Variants in CACNA1B observed in about 807,000 individuals in gnomAD.
CACNA1B encodes the protein calcium voltage-gated channel subunit alpha1 B.
In CACNA1B, 70 loss-of-function variants were observed where a neutral mutation model predicts 247.2. That is an observed-to-expected ratio of 0.28 (90% CI 0.23 to 0.35). The LOEUF (loss-of-function observed/expected upper bound fraction) is 0.35, where lower values mean the gene tolerates loss of function less well. Ranked by LOEUF, CACNA1B falls within the 10% of genes least tolerant of loss-of-function variation. The pLI, the probability that CACNA1B is intolerant of heterozygous loss-of-function variation, is 1.00. For missense variants in CACNA1B, 2,367 were observed against 3,197.4 expected (o/e 0.74, Z 6.26); for synonymous variants, 1,231 against 1,294.4 (o/e 0.95, Z 1.05).
rs1958422805 is a variant in CACNA1B at position 137,990,778 on chromosome 9, C to T, written c.1974+3924C>T. 6.6e-6 allele frequency among the ~76,000 whole-genome samples: 1 copy of T among 152,244 alleles called. No individual in the cohort carries two copies. Among genetic ancestry groups the T allele is most frequent in the Non-Finnish European group, 1.5e-5 (1 of 68,046 alleles). ...CCTGAAGATGGATCACATCACAGGA[C>T]TCTTGACAGACACTCCCCAGTACCA... On this transcript the variant is annotated intron_variant, in intron 15 of 46. Coordinates refer to ENST00000371372, the MANE Select transcript of CACNA1B (RefSeq NM_000718.4). The surrounding 1 kb of genome is among the most constrained non-coding windows in gnomAD (Gnocchi z 4.5).
chr9:137,946,563 TA>T (rs1219893047), intron 6 of CACNA1B, among the ~76,000 whole-genome samples: 6 of 151,460 alleles, frequency 4.0e-5, no homozygotes, highest in African/African-American at 1.5e-4. Flanking sequence ...TGCCCTCAGT[TA>T]CTGGGGAGCT....
chr9:138,101,966 T>C (rs1961266839), intron 37 of CACNA1B, among the ~76,000 whole-genome samples: 1 of 152,142 alleles, frequency 6.6e-6, no homozygotes, highest in Admixed American at 6.5e-5. Context: ...CCTGCCCCTT[T>C]GCTGTCAGAG....
intron 13 of CACNA1B, 23 bp downstream of exon 13, chr9:137,984,273 C>A (rs988254712): frequency 2.0e-6 from 3 of 1,510,446 alleles, no homozygotes; most frequent in African/African-American, 2.8e-5. Flanking sequence ...CGCTCCCAGG[C>A]GAGGGCAGGT....
chr9:138,101,191 G>A, intron 37 of CACNA1B: 1 of 531,174 alleles, frequency 1.9e-6, no homozygotes, highest in Non-Finnish European at 3.9e-6. Flanking sequence ...CTCGTAGGTT[G>A]GCCTACAAGG....
chr9:138,034,623 C>G lies in CACNA1B; in HGVS notation c.3287-9151C>G, dbSNP rs184839780. Among the ~76,000 whole-genome samples the G allele has an allele frequency of 2.3e-4, 35 of 151,850 alleles. No homozygotes were observed. In the East Asian group the frequency reaches 6.0e-3, roughly 26 times the overall value. On this transcript the variant is annotated intron_variant, in intron 20 of 46. Coordinates refer to ENST00000371372, the MANE Select transcript of CACNA1B (RefSeq NM_000718.4). ...ATTGGCATTTCTGGGTTGTTGGGTT[C>G]ACTAGTACCAAATCTAGGATATATA...
chr9:138,120,424 G>A (rs1209396482), intron 45 of CACNA1B, 52 bp downstream of exon 45: 44 of 1,497,926 alleles, frequency 2.9e-5, no homozygotes, highest in Non-Finnish European at 3.8e-5. Flanking sequence ...GCCCGAGTCA[G>A]GGGGTCCAAG....
chr9:137,976,045 C>T (rs746639008), intron 12 of CACNA1B, 26 bp downstream of exon 12: 1 of 1,360,972 alleles, frequency 7.3e-7, no homozygotes, highest in Non-Finnish European at 1.1e-6. Flanking sequence ...GATCAGGGGC[C>T]CAGGCTGTAT....
intron 20 of CACNA1B, among the ~76,000 whole-genome samples, chr9:138,033,998 A>G (rs555014106): frequency 6.6e-6 from 1 of 152,322 alleles, no homozygotes; most frequent in East Asian, 1.9e-4. Flanking sequence ...TTCCACTGAC[A>G]TTCTAGGGGA....
chr9:138,079,049 GC>G (rs976170077), intron 36 of CACNA1B, among the ~76,000 whole-genome samples: 1 of 152,204 alleles, frequency 6.6e-6, no homozygotes, highest in African/African-American at 2.4e-5. Flanking sequence ...TCGTGGGGCT[GC>G]ATGCTATTTG....
chr9:137,955,753 C>T lies in CACNA1B; in HGVS notation c.1126C>T (p.Arg376Cys), dbSNP rs1201038893. 4 of 1,612,918 alleles carry T rather than the reference C, an allele frequency of 2.5e-6. No homozygotes were observed. The highest frequency in any genetic ancestry group is 2.5e-6 in the Non-Finnish European group (3 of 1,179,448). The change falls in exon 8 of 47, where the codon CGC (arginine) becomes TGC (cysteine). Residue 376 changes from arginine to cysteine, a missense_variant. Physicochemically the swap from Arg to Cys is radical, Grantham distance 180 (BLOSUM62 -3). This residue lies in a region of CACNA1B where 219 missense variants were observed against 297.6 expected (regional missense o/e 0.74). Coordinates refer to ENST00000371372, the MANE Select transcript of CACNA1B (RefSeq NM_000718.4). The surrounding 1 kb of genome is among the most constrained non-coding windows in gnomAD (Gnocchi z 6.9). ...GAACCGCCGCGCCTTCCTGAAGCTG[C>T]GCCGGCAGCAGCAGATCGAGCGAGA... is the stretch of plus-strand genomic sequence containing the variant. ...VENRRAFLKL[R>C]RQQQIERELN...
chr9:138,078,395 T>C, intron 36 of CACNA1B, 137 bp downstream of exon 36: 1 of 845,562 alleles, frequency 1.2e-6, no homozygotes, highest in Non-Finnish European at 1.8e-6. Flanking sequence ...TGGCCCTTGT[T>C]TCCCCAGAGA....
At chr9:138,119,676 G>A (rs1224444044) in intron 44 of CACNA1B, among the ~76,000 whole-genome samples, 2 of 152,084 alleles carry the variant, frequency 1.3e-5, no homozygotes, top group African/African-American at 4.8e-5. Flanking sequence ...CCTGGGTGCT[G>A]CCTGGTGGGT....
At chr9:137,960,678 G>C (rs1958010773) in intron 10 of CACNA1B, among the ~76,000 whole-genome samples, 1 of 151,986 alleles carries the variant, frequency 6.6e-6, no homozygotes, top group Non-Finnish European at 1.5e-5. Context: ...AGCGCGGCTG[G>C]AGTGAGGTGC....
chr9:138,119,988 C>A (rs1279341919), intron 44 of CACNA1B, among the ~76,000 whole-genome samples, 177 bp from the exon 45 acceptor site: 1 of 152,218 alleles, frequency 6.6e-6, no homozygotes, highest in East Asian at 1.9e-4. Flanking sequence ...CAGGCACTGT[C>A]TGCCCCCAGC....
intron 3 of CACNA1B, among the ~76,000 whole-genome samples, chr9:137,902,041 G>A (rs1392517036): frequency 6.6e-6 from 1 of 152,070 alleles, no homozygotes; most frequent in African/African-American, 2.4e-5. Context: ...ATATTTTCTT[G>A]TTATATCCAG....
chr9:137,937,810 G>A (rs1249223035), intron 6 of CACNA1B, among the ~76,000 whole-genome samples: 3 of 151,846 alleles, frequency 2.0e-5, no homozygotes, highest in Non-Finnish European at 4.4e-5. Flanking sequence ...AGCTGGGAAT[G>A]GTGGTGCACG....
At position 137,917,508 on chromosome 9, in the gene CACNA1B, G is replaced by A; in HGVS notation, c.966+77G>A. The stretch of plus-strand genomic sequence containing the variant: ...CTGGTGCCTCTGGGGGTCCATTTAG[G>A]GGGGCCCTTCTGACCTCAGAGCCTC... On this transcript the variant is annotated intron_variant, in intron 6 of 46. Transcript: ENST00000371372. The surrounding 1 kb of genome is among the most constrained non-coding windows in gnomAD (Gnocchi z 5.5). The A allele has an allele frequency of 1.5e-6, 2 of 1,332,756 alleles. No individual in the cohort carries two copies. Among genetic ancestry groups the A allele is most frequent in the Non-Finnish European group, 1.1e-6 (1 of 951,096 alleles). 82.6% of individuals were successfully genotyped at this position (1,332,756 alleles called of 1,614,324 possible). A position where few individuals can be genotyped will look rare whatever the true frequency, so the allele number is the denominator to read the frequency against.
rs961611864 is a variant in CACNA1B at position 138,023,830 on chromosome 9, G to C, written c.3068+19G>C. On this transcript the variant is annotated intron_variant, in intron 19 of 46. Transcript: ENST00000371372. ...AGCCCCGGTGAGTCCGCGGCTGGGC[G>C]GGGTCAGGGAGGGAAGGGTTGGCCG... The C allele has an allele frequency of 3.2e-6, 4 of 1,242,750 alleles. No individual in the cohort carries two copies. The highest frequency in any genetic ancestry group is 1.5e-5 in the African/African-American group (1 of 66,800). 77.0% of individuals were successfully genotyped at this position (1,242,750 alleles called of 1,614,324 possible).
Position 137,986,298 on chromosome 9 carries a change from G to A in CACNA1B, c.1770-115G>A. 1.8e-6 allele frequency: 2 copies of A among 1,136,398 alleles called. No homozygotes were observed. Among genetic ancestry groups the A allele is most frequent in the South Asian group, 1.5e-5 (1 of 67,660 alleles). The allele number at this position is 1,136,398 out of a possible 1,614,324, so 70.4% of individuals were successfully genotyped here. On this transcript the variant is annotated intron_variant, in intron 13 of 46. Transcript: ENST00000371372. The surrounding 1 kb of genome is among the most constrained non-coding windows in gnomAD (Gnocchi z 6.0). ...GAGAAAAGCTCTAACTTCACACCTA[G>A]GTGTGCAGCCCTCAGGGTTTAGAAA...
Sources: gnomAD v4.1 joint callset for allele counts (sites outside exome capture counted in the v4.1 genomes callset) on GRCh38, gnomAD v4.1.1 for gene constraint, gnomAD v4.1.1 regional missense constraint, Gnocchi (gnomAD v3.1) non-coding constraint, MANE v1.5 for transcripts, NCBI Gene and HGNC (gene_info 2026-07-23, HGNC 2026-07-21) for gene names.